CRLF3: variants seen among roughly 807,000 people sequenced by gnomAD.
CRLF3 encodes cytokine receptor like factor 3, also known as cytokine receptor-like factor 3.
In CRLF3, 33 loss-of-function variants were observed where a neutral mutation model predicts 55.0. The observed-to-expected ratio is 0.60, with a 90% CI of 0.46 to 0.80. CRLF3 has a LOEUF of 0.80. Ranked by LOEUF, CRLF3 falls within the 30% of genes least tolerant of loss-of-function variation. The pLI is 0.00. For missense variants in CRLF3, 494 were observed against 538.4 expected (o/e 0.92, Z 0.82); for synonymous variants, 238 against 196.8 (o/e 1.21, Z -1.75).
chr17:30,816,953 C>T (rs551496408), intron 1 of CRLF3, among the ~76,000 whole-genome samples: 2 of 152,200 alleles, frequency 1.3e-5, no homozygotes, highest in Admixed American at 6.5e-5. Flanking sequence ...ATGACAAAAT[C>T]GCCCAATGAC....
At chr17:30,792,724 T>C in intron 5 of CRLF3, 152 bp from the exon 6 acceptor site, 1 of 584,900 alleles carries the variant, frequency 1.7e-6, no homozygotes, top group Non-Finnish European at 2.9e-6. Flanking sequence ...CAGGGTATCA[T>C]GATCAGTCCC....
chr17:30,809,982 A>G (rs1401057881), intron 1 of CRLF3: 1 of 152,158 alleles, frequency 6.6e-6, no homozygotes, highest in African/African-American at 2.4e-5. Flanking sequence ...GCTCCCAGAT[A>G]AATCTGTAAA....
Position 30,803,995 on chromosome 17 carries a change from C to T in CRLF3, c.243G>A (p.Val81=). The T allele has an allele frequency of 6.2e-7, 1 of 1,612,894 alleles. No homozygotes were observed. Among genetic ancestry groups the T allele is most frequent in the East Asian group, 2.2e-5 (1 of 44,870 alleles). Residue 81 remains valine (V), a synonymous_variant, in exon 2 of 8, where the codon GTG becomes GTA. Transcript: ENST00000324238. ...DERLVTLLQE[V]DTIEQETIKP... ...TAATGGTCTCCTGTTCAATGGTGTC[C>T]ACCTCTTGCAAAAGGGTCACCAATC...
intron 3 of CRLF3, among the ~76,000 whole-genome samples, 174 bp downstream of exon 3, chr17:30,797,137 C>T (rs936051133): frequency 3.3e-5 from 5 of 152,142 alleles, no homozygotes; most frequent in Non-Finnish European, 2.9e-5. Flanking sequence ...GCAATCCACC[C>T]GCCTTGGCCT....
chr17:30,794,461 AACCTAATTTGT>A lies in CRLF3; in HGVS notation c.604-800_604-790del, dbSNP rs564319552. On this transcript the variant is annotated intron_variant, in intron 4 of 7. Transcript: ENST00000324238. ...CCAAAAATGTATATTATGAATATTC[AACCTAATTTGT>A]ACCTAATTTGTAATATGGCAAATAC... Among the ~76,000 whole-genome samples, 65 of 152,324 alleles carry A rather than the reference AACCTAATTTGT, an allele frequency of 4.3e-4. No homozygotes were observed. In the South Asian group the frequency reaches 0.012, roughly 28 times the overall value.
intron 4 of CRLF3, among the ~76,000 whole-genome samples, chr17:30,795,925 C>T (rs1971909916): frequency 6.6e-6 from 1 of 152,004 alleles, no homozygotes; most frequent in African/African-American, 2.4e-5. Context: ...CCACTTCACT[C>T]CAGCCTCGGT....
chr17:30,799,797 G>A lies in CRLF3; in HGVS notation c.338-2399C>T, dbSNP rs368748275. On this transcript the variant is annotated intron_variant, in intron 2 of 7. Coordinates refer to ENST00000324238, the MANE Select transcript of CRLF3 (RefSeq NM_015986.4). The stretch of plus-strand genomic sequence containing the variant: ...TGTGATTACAGGCACGAGCCACCGC[G>A]CCCGGCCAGGATTTATCTTCTAAAA... Among the ~76,000 whole-genome samples the A allele has an allele frequency of 2.8e-3, 432 of 152,114 alleles. 1 individual carries two copies. Among genetic ancestry groups the A allele is most frequent in the African/African-American group, 0.01 (420 of 41,502 alleles).
intron 4 of CRLF3, among the ~76,000 whole-genome samples, chr17:30,794,432 A>G (rs1309839941): frequency 6.6e-6 from 1 of 152,222 alleles, no homozygotes; most frequent in African/African-American, 2.4e-5. Context: ...AGAAACATAA[A>G]TAGCCAAAAA....
rs867654017 is a variant in CRLF3 at position 30,796,465 on chromosome 17, G to A, written c.426-128C>T. On this transcript the variant is annotated intron_variant, in intron 3 of 7. Coordinates refer to ENST00000324238, the MANE Select transcript of CRLF3 (RefSeq NM_015986.4). ...CAGTAATTAATTCTCATGGCAGTAG[G>A]GGATTTGCAAGATGTTACACAAAGA... 3 of 614,778 alleles carry A rather than the reference G, an allele frequency of 4.9e-6. No homozygotes were observed. The Middle Eastern group carries it at 8.0e-4, about 163-fold the overall frequency. The allele number at this position is 614,778 out of a possible 1,614,324, so 38.1% of individuals were successfully genotyped here. A position where few individuals can be genotyped will look rare whatever the true frequency, so the allele number is the denominator to read the frequency against.
chr17:30,792,672 AG>A, intron 5 of CRLF3, 100 bp from the exon 6 acceptor site: 1 of 1,053,844 alleles, frequency 9.5e-7, no homozygotes, highest in Non-Finnish European at 1.4e-6. Flanking sequence ...GACTACTCTT[AG>A]GGGCCATGGT....
chr17:30,792,303 T>G, intron 6 of CRLF3, 137 bp downstream of exon 6: 1 of 698,022 alleles, frequency 1.4e-6, no homozygotes, highest in Non-Finnish European at 2.3e-6. Flanking sequence ...CTACAGGAAA[T>G]AAAGAAGCCT....
At chr17:30,786,704 C>CT (rs1971656735) in intron 6 of CRLF3, 2 of 151,618 alleles carry the variant, frequency 1.3e-5, no homozygotes, top group Admixed American at 1.3e-4. Context: ...ATCAATCTAT[C>CT]TATCTATTTT....
At chr17:30,784,751 C>A in intron 7 of CRLF3, 1 of 237,556 alleles carries the variant, frequency 4.2e-6, no homozygotes, top group Non-Finnish European at 8.2e-6. Context: ...CTTGACTCAC[C>A]AACACAATTT....
Position 30,784,291 on chromosome 17 carries a change from T to A in CRLF3, c.1225A>T (p.Asn409Tyr). The change falls in exon 8 of 8, where the codon AAT becomes TAT. Residue 409 changes from asparagine to tyrosine, a missense_variant. Asn to Tyr is a moderately radical substitution (Grantham distance 143, BLOSUM62 -2). Coordinates refer to ENST00000324238, the MANE Select transcript of CRLF3 (RefSeq NM_015986.4). ...HFKLRVTISS[N>Y]NREVVFDWLL... is the part of the protein sequence containing the mutation. ...CAGTCAAAAACCACTTCTCTATTAT[T>A]TGAACTTATAGTTACTCGAAGCTTG... 1.2e-6 allele frequency: 2 copies of A among 1,614,128 alleles called. No individual in the cohort carries two copies. The highest frequency in any genetic ancestry group is 1.7e-6 in the Non-Finnish European group (2 of 1,179,978).
chr17:30,802,310 C>T (rs1027814226), intron 2 of CRLF3, among the ~76,000 whole-genome samples: 5 of 152,150 alleles, frequency 3.3e-5, no homozygotes, highest in East Asian at 1.9e-4. Flanking sequence ...TTAGTAGGGA[C>T]GGGGTTTCAC....
intron 1 of CRLF3, among the ~76,000 whole-genome samples, chr17:30,818,700 C>T (rs1369534865): frequency 2.0e-5 from 3 of 151,860 alleles, no homozygotes; most frequent in African/African-American, 4.8e-5. Flanking sequence ...GTGATCCGCC[C>T]GCCTCAGCCT....
At chr17:30,788,596 CTTCTTT>C (rs1402527769) in intron 6 of CRLF3, among the ~76,000 whole-genome samples, 5 of 120,304 alleles carry the variant, frequency 4.2e-5, no homozygotes, top group Non-Finnish European at 8.3e-5. Context: ...AAAGTAGTGC[CTTCTTT>C]TTTTTTTTTT....
rs1361540807 is a variant in CRLF3, at chr17:30,792,822, G to A, written c.827-250C>T. ...TTATCTCTTATCTAATAAAATCATT[G>A]TACAAGCATAATTGCTTGAACTTAT... is the stretch of plus-strand genomic sequence containing the variant. On this transcript the variant is annotated intron_variant, in intron 5 of 7. Transcript: ENST00000324238. 2.5e-5 allele frequency: 5 copies of A among 203,884 alleles called. 1 individual carries two copies. The South Asian group carries it at 4.3e-4, about 17-fold the overall frequency. The allele number at this position is 203,884 out of a possible 1,614,324, so 12.6% of individuals were successfully genotyped here. A position where few individuals can be genotyped will look rare whatever the true frequency, so the allele number is the denominator to read the frequency against.
chr17:30,793,846 C>CTTTTTTTTTTTT (rs1047692930), intron 4 of CRLF3, among the ~76,000 whole-genome samples, 174 bp from the exon 5 acceptor site: 2 of 148,198 alleles, frequency 1.3e-5, no homozygotes, highest in African/African-American at 5.0e-5. Context: ...TATCTCCCTT[C>CTTTTTTTTTTTT]TTTTTTTTTT....
Sources: allele counts gnomAD v4.1 joint callset (sites outside exome capture counted in the v4.1 genomes callset), GRCh38; gene constraint gnomAD v4.1.1; transcripts MANE v1.5; gene names NCBI Gene and HGNC (gene_info 2026-07-23, HGNC 2026-07-21).